The following BMPR1B variants were observed in gnomAD, a reference collection of about 807,000 sequenced individuals.
BMPR1B encodes bone morphogenetic protein receptor type 1B, also known as bone morphogenetic protein receptor type-1B.
A neutral mutation model predicts 59.1 loss-of-function variants in BMPR1B; 12 were observed. The ratio of observed to expected loss-of-function variants is 0.20; its 90% CI spans 0.13 to 0.33. The LOEUF is 0.33. Ranked by LOEUF, BMPR1B falls within the 10% of genes least tolerant of loss-of-function variation. The pLI is 1.00. For missense variants in BMPR1B, 550 were observed against 610.9 expected, an observed-to-expected ratio of 0.90 and a Z score of 1.05; for synonymous variants, 237 against 207.3, an observed-to-expected ratio of 1.14 and a Z score of -1.23.
chr4:95,051,620 G>A (rs1726507358), intron 3 of BMPR1B: 1 of 1,313,158 alleles, frequency 7.6e-7, no homozygotes, highest in African/African-American at 1.5e-5. Context: ...AGTGGCAGCA[G>A]AGGCGTCTCA....
At chr4:94,768,463 C>G (rs1198909328) in intron 1 of BMPR1B, among the ~76,000 whole-genome samples, 1 of 152,120 alleles carries the variant, frequency 6.6e-6, no homozygotes, top group Non-Finnish European at 1.5e-5. Flanking sequence ...TAGGAATGTT[C>G]ATTTGCATTC....
chr4:94,987,047 AAT>A (rs1437796429), intron 2 of BMPR1B, among the ~76,000 whole-genome samples: 14 of 24,950 alleles, frequency 5.6e-4, no homozygotes, highest in African/African-American at 7.6e-4. Flanking sequence ...TCTCAAAAAA[AAT>A]ATATATATAT....
At chr4:94,829,790 A>G (rs1036913362) in intron 1 of BMPR1B, among the ~76,000 whole-genome samples, 2 of 152,202 alleles carry the variant, frequency 1.3e-5, no homozygotes, top group African/African-American at 4.8e-5. Flanking sequence ...ATAATCCCCA[A>G]GGTCAGGATT....
At chr4:94,884,685 T>C (rs569183990) in intron 2 of BMPR1B, among the ~76,000 whole-genome samples, 1 of 152,320 alleles carries the variant, frequency 6.6e-6, no homozygotes, top group African/African-American at 2.4e-5. Flanking sequence ...TTATGAAATA[T>C]CAACTGCAAA....
At chr4:95,135,627 G>A (rs1465078801) in intron 10 of BMPR1B, among the ~76,000 whole-genome samples, 1 of 152,134 alleles carries the variant, frequency 6.6e-6, no homozygotes, top group South Asian at 2.1e-4. Context: ...TGAAGCAATT[G>A]TGAATGGGAG....
intron 1 of BMPR1B, among the ~76,000 whole-genome samples, chr4:94,811,132 G>A (rs924892281): frequency 1.3e-5 from 2 of 152,184 alleles, no homozygotes; most frequent in South Asian, 2.1e-4. Flanking sequence ...ATCTCAAAAT[G>A]TGTAGTGCTC....
At chr4:94,908,376 C>A (rs545437260) in intron 2 of BMPR1B, among the ~76,000 whole-genome samples, 1 of 150,588 alleles carries the variant, frequency 6.6e-6, no homozygotes, top group Non-Finnish European at 1.5e-5. Flanking sequence ...ATTGTTTAAA[C>A]CTGTCCTTCT....
At chr4:94,857,936 CTTTTTA>C (rs939376304) in intron 1 of BMPR1B, among the ~76,000 whole-genome samples, 12 of 149,356 alleles carry the variant, frequency 8.0e-5, no homozygotes, top group African/African-American at 1.7e-4. Flanking sequence ...AGATTATTTA[CTTTTTA>C]TTTTTATTTT....
intron 3 of BMPR1B, among the ~76,000 whole-genome samples, chr4:95,088,632 G>A (rs556358237): frequency 6.6e-6 from 1 of 151,996 alleles, no homozygotes; most frequent in Non-Finnish European, 1.5e-5. Context: ...GGAAATATTT[G>A]TATTACTACC....
rs193016304 is a variant in BMPR1B at position 94,892,228 on chromosome 4, T to C, written c.-113+16328T>C. On this transcript the variant is annotated intron_variant, in intron 2 of 12. Coordinates refer to ENST00000515059, the MANE Select transcript of BMPR1B (RefSeq NM_001203.3). ...TGTGTTGTCCCAGTAGATTACGTTC[T>C]TGCTACCCACAGGGTGGTTGGTCTG... is the stretch of plus-strand genomic sequence containing the variant. Among the ~76,000 whole-genome samples, 339 of 152,188 alleles carry C rather than the reference T, an allele frequency of 2.2e-3. 2 individuals carry two copies. The highest frequency in any genetic ancestry group is 3.9e-3 in the Non-Finnish European group (264 of 67,986).
At chr4:95,014,286 C>T (rs1210393223) in intron 3 of BMPR1B, among the ~76,000 whole-genome samples, 1 of 152,136 alleles carries the variant, frequency 6.6e-6, no homozygotes, top group African/African-American at 2.4e-5. Flanking sequence ...ATTATCTCAG[C>T]ATCCAAACTC....
At chr4:95,048,692 T>A (rs1405218182) in intron 3 of BMPR1B, among the ~76,000 whole-genome samples, 1 of 152,150 alleles carries the variant, frequency 6.6e-6, no homozygotes, top group Non-Finnish European at 1.5e-5. Flanking sequence ...CTTGACCTGG[T>A]ACAGATAGAG....
intron 10 of BMPR1B, among the ~76,000 whole-genome samples, chr4:95,146,428 A>G (rs912493050): frequency 1.3e-5 from 2 of 152,202 alleles, no homozygotes; most frequent in Non-Finnish European, 2.9e-5. Context: ...TCTAATAGAT[A>G]TCTCTACATC....
Position 94,902,087 on chromosome 4 carries a change from G to GTGTGTGT in BMPR1B, c.-113+26187_-113+26188insTGTGTGT, listed in dbSNP as rs1491111955. Among the ~76,000 whole-genome samples the GTGTGTGT allele has an allele frequency of 1.4e-4, 18 of 128,642 alleles. 1 individual carries two copies. Among genetic ancestry groups the GTGTGTGT allele is most frequent in the Admixed American group, 3.8e-4 (5 of 13,204 alleles). 84.4% of individuals were successfully genotyped at this position (128,642 alleles called of 152,430 possible). ...TGTGTGTGTGTGTGTGTGTGTGTGT[G>GTGTGTGT]GGGTGTATTTAAAGGAAACAACTTG... On this transcript the variant is annotated intron_variant, in intron 2 of 12. Coordinates refer to ENST00000515059, the MANE Select transcript of BMPR1B (RefSeq NM_001203.3).
Position 95,155,507 on chromosome 4 carries a change from T to C in BMPR1B, c.*834T>C, listed in dbSNP as rs962807006. 1 of 110,214 alleles carries C rather than the reference T, an allele frequency of 9.1e-6. No homozygotes were observed. The highest frequency in any genetic ancestry group is 1.2e-4 in the Admixed American group (1 of 8,346). The allele number at this position is 110,214 out of a possible 1,614,324, so 6.8% of individuals were successfully genotyped here. ...TTTTTTTTTTTTTTTTTTTTTTTTTTAATGTGCAGAGGATTGACCTGTGCA... is the reference window on the plus strand; with the variant it reads ...TTTTTTTTTTTTTTTTTTTTTTTTTCAATGTGCAGAGGATTGACCTGTGCA... On this transcript the variant is annotated 3_prime_UTR_variant, in exon 13 of 13. Transcript: ENST00000515059.
chr4:94,833,421 G>A (rs528810071), intron 1 of BMPR1B, among the ~76,000 whole-genome samples: 12 of 152,152 alleles, frequency 7.9e-5, no homozygotes, highest in African/African-American at 2.7e-4. Context: ...CCCATTATCT[G>A]GCCACTACTT....
intron 2 of BMPR1B, among the ~76,000 whole-genome samples, chr4:94,956,992 C>T (rs1400332811): frequency 6.6e-6 from 1 of 152,084 alleles, no homozygotes; most frequent in Non-Finnish European, 1.5e-5. Flanking sequence ...GTAAAGCAGT[C>T]TTTTAAATTG....
intron 2 of BMPR1B, among the ~76,000 whole-genome samples, chr4:94,975,250 G>A (rs540218379): frequency 1.7e-4 from 26 of 152,018 alleles, no homozygotes; most frequent in Non-Finnish European, 2.9e-4. Flanking sequence ...CCAGGAAGTT[G>A]CCTTGAGCGT....
chr4:94,760,739 C>G (rs1232128451), intron 1 of BMPR1B, among the ~76,000 whole-genome samples: 1 of 152,166 alleles, frequency 6.6e-6, no homozygotes, highest in African/African-American at 2.4e-5. Flanking sequence ...GATAGTGTCC[C>G]TTGTTTCTTT....
Sources: allele counts gnomAD v4.1 joint callset (sites outside exome capture counted in the v4.1 genomes callset), GRCh38; gene constraint gnomAD v4.1.1; transcripts MANE v1.5; gene names NCBI Gene and HGNC (gene_info 2026-07-23, HGNC 2026-07-21).